The following SRRM4 variants were observed in gnomAD, a reference collection of about 807,000 sequenced individuals.
The protein encoded by SRRM4 is serine/arginine repetitive matrix 4, also known as serine/arginine repetitive matrix protein 4.
In SRRM4, 33 loss-of-function variants were observed where a neutral mutation model predicts 68.9. That is an observed-to-expected ratio of 0.48 (90% CI 0.36 to 0.64). SRRM4 has a LOEUF of 0.64. Ranked by LOEUF, SRRM4 falls within the 30% of genes least tolerant of loss-of-function variation. SRRM4 has a pLI of 0.00. For missense variants in SRRM4, 817 were observed against 827.1 expected, an observed-to-expected ratio of 0.99 and a Z score of 0.15; for synonymous variants, 318 against 318.8, an observed-to-expected ratio of 1.00 and a Z score of 0.03.
chr12:119,027,516 G>T (rs183402916), intron 1 of SRRM4, among the ~76,000 whole-genome samples: 3 of 152,236 alleles, frequency 2.0e-5, no homozygotes, highest in African/African-American at 7.2e-5. Context: ...CAATGAGTCA[G>T]ATCTACAAGC....
At chr12:119,094,522 A>C (rs7311040) in intron 1 of SRRM4, among the ~76,000 whole-genome samples, 6,102 of 152,052 alleles carry the variant, frequency 0.04, 142 homozygotes, top group African/African-American at 0.058. Context: ...GCCACCCTCC[A>C]CCTTCACTGT....
At chr12:119,130,230 A>G (rs1262554776) in intron 7 of SRRM4, among the ~76,000 whole-genome samples, 4 of 149,018 alleles carry the variant, frequency 2.7e-5, no homozygotes, top group Non-Finnish European at 4.5e-5. Flanking sequence ...ATGGATGGAT[A>G]GATGAATGAA....
intron 1 of SRRM4, among the ~76,000 whole-genome samples, chr12:119,070,578 C>T (rs368856163): frequency 9.2e-5 from 14 of 152,118 alleles, no homozygotes; most frequent in South Asian, 2.1e-4. Flanking sequence ...AGGTTTTAGG[C>T]GACCACCAAG....
intron 8 of SRRM4, among the ~76,000 whole-genome samples, chr12:119,143,318 A>G (rs886747804): frequency 2.0e-5 from 3 of 152,248 alleles, no homozygotes; most frequent in Non-Finnish European, 4.4e-5. Context: ...GATGCACAAG[A>G]TAAAGTTTGG....
intron 1 of SRRM4, among the ~76,000 whole-genome samples, chr12:119,035,899 G>A (rs1310144627): frequency 3.3e-5 from 5 of 152,172 alleles, no homozygotes; most frequent in African/African-American, 1.2e-4. Flanking sequence ...GGCTTACAGA[G>A]TGAAGTACTT....
At chr12:119,114,223 T>C (rs867825645) in intron 2 of SRRM4, 55 bp from the exon 3 acceptor site, 18 of 1,489,870 alleles carry the variant, frequency 1.2e-5, no homozygotes, top group East Asian at 2.3e-5. Context: ...CCAGCTCTGG[T>C]TGGGGAGTTG....
intron 9 of SRRM4, among the ~76,000 whole-genome samples, chr12:119,146,591 G>T (rs1303923349): frequency 7.1e-6 from 1 of 140,184 alleles, no homozygotes; most frequent in Non-Finnish European, 1.6e-5. Context: ...CATCTCAAAA[G>T]AAAAAAAAAA....
rs376946826 is a variant in SRRM4, at chr12:118,986,879, C to T, written c.131+4866C>T. 2.6e-5 allele frequency among the ~76,000 whole-genome samples: 4 copies of T among 152,092 alleles called. No individual in the cohort carries two copies. The East Asian group carries it at 7.8e-4, about 30-fold the overall frequency. On this transcript the variant is annotated intron_variant, in intron 1 of 12. Coordinates refer to ENST00000267260, the MANE Select transcript of SRRM4 (RefSeq NM_194286.4). ...CTTCTCCATGAACTCTTCAGGCATGCTGCAGAAGAGCAATACATTAAAAAA... is the reference window on the plus strand; with the variant it reads ...CTTCTCCATGAACTCTTCAGGCATGTTGCAGAAGAGCAATACATTAAAAAA...
rs1272929333 is a variant in SRRM4, at chr12:119,158,972, T to C, written c.*2174T>C. On this transcript the variant is annotated 3_prime_UTR_variant, in exon 13 of 13. Transcript: ENST00000267260. ...TATTTATTTATACAGAGGTTTTGTG[T>C]GTGTGTGTGTGTGTGTGTGTGTGTG... The C allele has an allele frequency of 1.6e-5, 1 of 60,872 alleles. No individual in the cohort carries two copies. The highest frequency in any genetic ancestry group is 1.0e-4 in the African/African-American group (1 of 9,830). 3.8% of individuals were successfully genotyped at this position (60,872 alleles called of 1,614,324 possible).
In SRRM4 at chr12:119,073,111, G is replaced by A. The variant is rs1264611218; in HGVS notation, c.132-29125G>A. On this transcript the variant is annotated intron_variant, in intron 1 of 12. Transcript: ENST00000267260. Reference sequence around the variant, plus strand: ...TGAAAAGGAAAAAAAAAAATGTGACGCTCTAAGGAAATAATTGAGTCTGGG... The same window carrying A: ...TGAAAAGGAAAAAAAAAAATGTGACACTCTAAGGAAATAATTGAGTCTGGG... Among the ~76,000 whole-genome samples the A allele has an allele frequency of 2.0e-5, 3 of 151,566 alleles. No homozygotes were observed. The East Asian group carries it at 5.8e-4, about 29-fold the overall frequency.
rs373815603 is a variant in SRRM4 at position 119,151,156 on chromosome 12, C to T, written c.1216C>T (p.Arg406Ter). ...ASTRSSSHSSRSPNPRASPRY... is the reference protein window; with the variant it reads ...ASTRSSSHSS ...CACCCGATCCTCCAGTCACTCGTCC[C>T]GATCCCCAAATCCCAGGGCTTCCCC... is the stretch of plus-strand genomic sequence containing the variant. Residue 406 changes from arginine (R) to a stop codon, truncating the protein, a stop_gained, in exon 10 of 13, where the codon CGA becomes TGA. Coordinates refer to ENST00000267260, the MANE Select transcript of SRRM4 (RefSeq NM_194286.4). LOFTEE classifies it high-confidence loss of function. 2.5e-6 allele frequency: 4 copies of T among 1,613,856 alleles called. No homozygotes were observed. The highest frequency in any genetic ancestry group is 3.4e-6 in the Non-Finnish European group (4 of 1,179,886).
chr12:118,993,120 G>T (rs994459796), intron 1 of SRRM4, among the ~76,000 whole-genome samples: 1 of 152,082 alleles, frequency 6.6e-6, no homozygotes, highest in Non-Finnish European at 1.5e-5. Context: ...AAGAAACTGA[G>T]GCTCGAGGTC....
At chr12:119,153,102 G>A (rs1248453825) in intron 10 of SRRM4, among the ~76,000 whole-genome samples, 2 of 152,178 alleles carry the variant, frequency 1.3e-5, no homozygotes, top group Non-Finnish European at 2.9e-5. Flanking sequence ...CTGGTTCAAT[G>A]TCTGGCACAT....
At chr12:119,019,184 A>G (rs1042033506) in intron 1 of SRRM4, among the ~76,000 whole-genome samples, 2 of 152,220 alleles carry the variant, frequency 1.3e-5, no homozygotes, top group African/African-American at 4.8e-5. Context: ...TCAATGTGTC[A>G]TAAATCAAAT....
intron 1 of SRRM4, among the ~76,000 whole-genome samples, chr12:119,018,335 T>G (rs1953494186): frequency 6.6e-6 from 1 of 152,202 alleles, no homozygotes; most frequent in Non-Finnish European, 1.5e-5. Context: ...TTTCATGGAT[T>G]CCTTGTGCAA....
At chr12:119,139,523 A>G (rs938495484) in intron 8 of SRRM4, among the ~76,000 whole-genome samples, 4 of 152,056 alleles carry the variant, frequency 2.6e-5, no homozygotes, top group African/African-American at 9.7e-5. Flanking sequence ...CAAGATTTGT[A>G]AAGACAATAC....
chr12:118,987,820 G>C (rs11069217), intron 1 of SRRM4, among the ~76,000 whole-genome samples: 23,496 of 152,144 alleles, frequency 0.15, 1,893 homozygotes, highest in African/African-American at 0.19. Flanking sequence ...CCTCTAGTGA[G>C]GGCCTCAGAG....
chr12:119,130,205 TAGAC>T (rs1218855714), intron 7 of SRRM4, among the ~76,000 whole-genome samples: 5 of 143,168 alleles, frequency 3.5e-5, no homozygotes, highest in Admixed American at 7.1e-5. Context: ...GATGGTTGCT[TAGAC>T]AGATAGATGG....
In SRRM4 at chr12:119,151,197, C is replaced by A; in HGVS notation, c.1257C>A (p.Ser419Arg). The A allele has an allele frequency of 1.2e-6, 2 of 1,613,994 alleles. No homozygotes were observed. Among genetic ancestry groups the A allele is most frequent in the East Asian group, 2.2e-5 (1 of 44,872 alleles). The change falls in exon 10 of 13, where the codon AGC becomes AGA. Residue 419 changes from serine (S) to arginine (R), a missense_variant. By Grantham distance (110) the Ser-to-Arg change is moderately radical. Coordinates refer to ENST00000267260, the MANE Select transcript of SRRM4 (RefSeq NM_194286.4). ...NPRASPRYTQ[S>R]RSTSSEKRSY... The stretch of plus-strand genomic sequence containing the variant: ...GGGCTTCCCCCAGGTACACCCAAAG[C>A]CGATCCACCTCTTCTGAAAAAAGGT...
Sources: allele counts gnomAD v4.1 joint callset (sites outside exome capture counted in the v4.1 genomes callset), GRCh38; gene constraint gnomAD v4.1.1; transcripts MANE v1.5; gene names NCBI Gene and HGNC (gene_info 2026-07-23, HGNC 2026-07-21).